NADK2: variants seen among roughly 807,000 people sequenced by gnomAD.
The protein encoded by NADK2 is NAD kinase 2, mitochondrial.
A neutral mutation model predicts 62.1 loss-of-function variants in NADK2; 35 were observed. The ratio of observed to expected loss-of-function variants is 0.56; its 90% CI spans 0.43 to 0.75. The LOEUF is 0.75. NADK2 is among the 30% of genes least tolerant of loss of function. The pLI is 0.00. For synonymous variants in NADK2, 205 were observed against 207.9 expected (o/e 0.99, Z 0.12); for missense variants, 439 against 561.3 (o/e 0.78, Z 2.20).
chr5:36,206,668 A>G (rs897047681), intron 8 of NADK2, among the ~76,000 whole-genome samples: 1 of 152,098 alleles, frequency 6.6e-6, no homozygotes, highest in African/African-American at 2.4e-5. Flanking sequence ...CCTATCTGGC[A>G]TGTAATTTTA....
rs772310092 is a variant in NADK2 at position 36,195,238 on chromosome 5, T to C, written c.1235A>G (p.Asp412Gly). 1 of 1,613,168 alleles carries C rather than the reference T, an allele frequency of 6.2e-7. No homozygotes were observed. Among genetic ancestry groups the C allele is most frequent in the South Asian group, 1.1e-5 (1 of 90,842 alleles). Reference sequence around the variant, plus strand: ...ATTAAACTCAAAAGAAGTTCCTCCATCCACAACCATACAGGCATCCCAACA... The same window carrying C: ...ATTAAACTCAAAAGAAGTTCCTCCACCCACAACCATACAGGCATCCCAACA... Reference protein sequence around the residue: ...SRCWDACMVVDGGTSFEFNDG... With the variant: ...SRCWDACMVVGGGTSFEFNDG... The change falls in exon 12 of 12, where the codon GAT becomes GGT. Residue 412 changes from aspartate (D) to glycine (G), a missense_variant. By Grantham distance (94) the Asp-to-Gly change is moderately conservative. Transcript: ENST00000381937.
At chr5:36,206,451 A>G (rs972956640) in intron 8 of NADK2, among the ~76,000 whole-genome samples, 1 of 151,972 alleles carries the variant, frequency 6.6e-6, no homozygotes. Context: ...AAGTGGACTA[A>G]GACTTCAGAA....
In NADK2 at chr5:36,234,289, C is replaced by T. The variant is rs541767941; in HGVS notation, c.301-6724G>A. Among the ~76,000 whole-genome samples the T allele has an allele frequency of 2.8e-4, 41 of 144,704 alleles. 1 individual carries two copies. In the East Asian group the frequency reaches 7.1e-3, roughly 25 times the overall value. 94.9% of individuals were successfully genotyped at this position (144,704 alleles called of 152,430 possible). A position where few individuals can be genotyped will look rare whatever the true frequency, so the allele number is the denominator to read the frequency against. ...ACGGGAGGCTGAGGCAGGAGAATGG[C>T]GTGAACCCGGGAGGCGGAGCTTGCA... On this transcript the variant is annotated intron_variant, in intron 1 of 11. Transcript: ENST00000381937.
At position 36,194,003 on chromosome 5, in the gene NADK2, C is replaced by T. The variant is rs554741622; in HGVS notation, c.*1141G>A. On this transcript the variant is annotated 3_prime_UTR_variant, in exon 12 of 12. Transcript: ENST00000381937. ...AAACACATGACTTTGAACAACGGCA[C>T]GAGAATACCAACTGTTTGATTATGC... is the stretch of plus-strand genomic sequence containing the variant. The T allele has an allele frequency of 1.4e-4, 21 of 152,444 alleles. 1 individual carries two copies. The highest frequency in any genetic ancestry group is 4.1e-4 in the South Asian group (2 of 4,826). The allele number at this position is 152,444 out of a possible 1,614,324, so 9.4% of individuals were successfully genotyped here.
rs760972973 is a variant in NADK2, at chr5:36,227,578, A to T, written c.301-13T>A. Reference sequence around the variant, plus strand: ...CTTTCAATGCAAGCTATATCAAAACAAAAGAAACGTTGTTTTACTAATATA... The same window carrying T: ...CTTTCAATGCAAGCTATATCAAAACTAAAGAAACGTTGTTTTACTAATATA... On this transcript the variant is annotated splice_polypyrimidine_tract_variant and intron_variant, in intron 1 of 11. Coordinates refer to ENST00000381937, the MANE Select transcript of NADK2 (RefSeq NM_001085411.3). 6.8e-7 allele frequency: 1 copy of T among 1,464,442 alleles called. No individual in the cohort carries two copies. The highest frequency in any genetic ancestry group is 9.1e-7 in the Non-Finnish European group (1 of 1,096,020). The allele number at this position is 1,464,442 out of a possible 1,614,324, so 90.7% of individuals were successfully genotyped here.
rs976859980 is a variant in NADK2 at position 36,227,527 on chromosome 5, T to C, written c.339A>G (p.Glu113=). Residue 113 remains glutamate (E), a synonymous_variant, in exon 2 of 12, where the codon GAA becomes GAG. Coordinates refer to ENST00000381937, the MANE Select transcript of NADK2 (RefSeq NM_001085411.3). The part of the protein sequence containing the change: ...LKGSSYSGLL[E]RHHIHTKNVE... ...CATTTTTGGTGTGAATATGATGTCG[T>C]TCAAGAAGTCCACTGTAACTAGAGC... 1 of 1,559,418 alleles carries C rather than the reference T, an allele frequency of 6.4e-7. No individual in the cohort carries two copies. The highest frequency in any genetic ancestry group is 8.7e-7 in the Non-Finnish European group (1 of 1,152,196).
intron 1 of NADK2, among the ~76,000 whole-genome samples, chr5:36,234,568 A>G (rs984526623): frequency 6.6e-6 from 1 of 152,176 alleles, no homozygotes; most frequent in African/African-American, 2.4e-5. Context: ...AATAAATGTA[A>G]AAGCATATGT....
Position 36,241,473 on chromosome 5 carries a change from C to CG in NADK2, c.300+25dup, listed in dbSNP as rs1748118287. 1 of 1,507,662 alleles carries CG rather than the reference C, an allele frequency of 6.6e-7. No individual in the cohort carries two copies. Among genetic ancestry groups the CG allele is most frequent in the South Asian group, 1.2e-5 (1 of 83,058 alleles). The allele number at this position is 1,507,662 out of a possible 1,614,324, so 93.4% of individuals were successfully genotyped here. A position where few individuals can be genotyped will look rare whatever the true frequency, so the allele number is the denominator to read the frequency against. On this transcript the variant is annotated intron_variant, in intron 1 of 11. Coordinates refer to ENST00000381937, the MANE Select transcript of NADK2 (RefSeq NM_001085411.3). This position sits in a 1 kb window ranked among gnomAD's most constrained non-coding sequence, Gnocchi z 4.9. Reference sequence around the variant, plus strand: ...CCAGAGCCCCGGCCGAGCCCGGGAGCGAAGCGGGGCCGAGCCAGGACCCAC... The same window carrying CG: ...CCAGAGCCCCGGCCGAGCCCGGGAGCGGAAGCGGGGCCGAGCCAGGACCCAC...
intron 7 of NADK2, among the ~76,000 whole-genome samples, chr5:36,211,132 G>A (rs1746825591): frequency 1.3e-5 from 2 of 152,146 alleles, no homozygotes; most frequent in African/African-American, 4.8e-5. Flanking sequence ...CCGACATGGT[G>A]TATCAGGGGA....
In NADK2 at chr5:36,241,282, TCC is replaced by T. The variant is rs1333007363; in HGVS notation, c.300+215_300+216del. ...CTGCATGAACCACTGTCCCTCTCTC[TCC>T]CCCTCTCCCCGGCCCTGCCTCTCCC... On this transcript the variant is annotated intron_variant, in intron 1 of 11. Coordinates refer to ENST00000381937, the MANE Select transcript of NADK2 (RefSeq NM_001085411.3). The surrounding 1 kb of genome is among the most constrained non-coding windows in gnomAD (Gnocchi z 4.9). The T allele has an allele frequency of 3.3e-6, 3 of 916,646 alleles. No individual in the cohort carries two copies. The highest frequency in any genetic ancestry group is 2.9e-6 in the Non-Finnish European group (2 of 681,564). The allele number at this position is 916,646 out of a possible 1,614,324, so 56.8% of individuals were successfully genotyped here.
intron 1 of NADK2, among the ~76,000 whole-genome samples, chr5:36,235,653 AT>A (rs1561077515): frequency 2.0e-5 from 3 of 152,042 alleles, no homozygotes; most frequent in Admixed American, 2.0e-4. Flanking sequence ...CATTAGCCAT[AT>A]ATCTTACTCC....
chr5:36,237,954 A>C (rs1348275602), intron 1 of NADK2, among the ~76,000 whole-genome samples: 1 of 152,168 alleles, frequency 6.6e-6, no homozygotes, highest in East Asian at 1.9e-4. Flanking sequence ...TAAAGGGTAC[A>C]GGGAGCTTCT....
intron 1 of NADK2, among the ~76,000 whole-genome samples, chr5:36,239,791 T>C (rs771770698): frequency 6.6e-6 from 1 of 152,176 alleles, no homozygotes; most frequent in Non-Finnish European, 1.5e-5. Flanking sequence ...GCAATTCACA[T>C]ACTGAATTAG....
rs138503310 is a variant in NADK2, at chr5:36,230,088, G to A, written c.301-2523C>T. Among the ~76,000 whole-genome samples the A allele has an allele frequency of 2.4e-4, 36 of 151,928 alleles. No homozygotes were observed. The East Asian group carries it at 5.5e-3, about 23-fold the overall frequency. On this transcript the variant is annotated intron_variant, in intron 1 of 11. Coordinates refer to ENST00000381937, the MANE Select transcript of NADK2 (RefSeq NM_001085411.3). ...CTCTTGGCACCCTATAGATTATTCC[G>A]AACACAGAAACCAGAGAGACCACAG...
chr5:36,228,933 A>C (rs1425036786), intron 1 of NADK2, among the ~76,000 whole-genome samples: 2 of 152,074 alleles, frequency 1.3e-5, no homozygotes, highest in African/African-American at 4.8e-5. Flanking sequence ...CCTAATATAC[A>C]ATCTCAAATA....
In NADK2 at chr5:36,195,035, G is replaced by A. The variant is rs998931316; in HGVS notation, c.*109C>T. ...ATGCAAATCTCACTTCTGAGCCCAC[G>A]GGCAAGCAGTCTCAACAATAACCAA... On this transcript the variant is annotated 3_prime_UTR_variant, in exon 12 of 12. Coordinates refer to ENST00000381937, the MANE Select transcript of NADK2 (RefSeq NM_001085411.3). The A allele has an allele frequency of 1.2e-5, 14 of 1,141,982 alleles. No individual in the cohort carries two copies. The highest frequency in any genetic ancestry group is 1.6e-5 in the African/African-American group (1 of 62,796). 70.7% of individuals were successfully genotyped at this position (1,141,982 alleles called of 1,614,324 possible).
At chr5:36,212,481 G>A (rs1194104660) in intron 6 of NADK2, among the ~76,000 whole-genome samples, 1 of 152,066 alleles carries the variant, frequency 6.6e-6, no homozygotes, top group Admixed American at 6.5e-5. Flanking sequence ...ATAGGGTTGT[G>A]TGCACAGTTA....
intron 1 of NADK2, among the ~76,000 whole-genome samples, chr5:36,240,680 T>C (rs918327195): frequency 6.6e-6 from 1 of 152,198 alleles, no homozygotes; most frequent in African/African-American, 2.4e-5. Flanking sequence ...AACTCTGGTT[T>C]TTCCCTTGGA....
chr5:36,225,581 C>G lies in NADK2; in HGVS notation c.521G>C (p.Arg174Thr). 1 of 1,613,862 alleles carries G rather than the reference C, an allele frequency of 6.2e-7. No individual in the cohort carries two copies. Among genetic ancestry groups the G allele is most frequent in the Non-Finnish European group, 8.5e-7 (1 of 1,179,854 alleles). Residue 174 changes from arginine to threonine, a missense_variant, in exon 4 of 12, where the codon AGA (arginine) becomes ACA (threonine). Transcript: ENST00000381937. ...MLLAASKVLD[R>T]LKPVIGVNTD... ...GTTTACCCCTATAACTGGTTTAAGT[C>G]TGTCCAAGACTTTACTCGCTGCCAG...
Sources: gnomAD v4.1 joint callset for allele counts (sites outside exome capture counted in the v4.1 genomes callset) on GRCh38, gnomAD v4.1.1 for gene constraint, Gnocchi (gnomAD v3.1) non-coding constraint, MANE v1.5 for transcripts, NCBI Gene and HGNC (gene_info 2026-07-23, HGNC 2026-07-21) for gene names.